Variants in CATSPERT observed in about 807,000 individuals in gnomAD.
The protein encoded by CATSPERT is catsper channel auxiliary subunit tau.
chr2:201,545,700 T>C, the CATSPERT span: 1 of 982,232 alleles, frequency 1.0e-6, no homozygotes, highest in Non-Finnish European at 1.4e-6. Context: ...GAAAACATTT[T>C]CCTCTGCCTT....
the CATSPERT span, among the ~76,000 whole-genome samples, chr2:201,505,889 C>T: frequency 6.6e-6 from 1 of 152,300 alleles, no homozygotes; most frequent in East Asian, 1.9e-4. Flanking sequence ...TATAGGAACT[C>T]TCTAATATCT....
chr2:201,589,840 T>A, the CATSPERT span, among the ~76,000 whole-genome samples: 3 of 151,936 alleles, frequency 2.0e-5, no homozygotes, highest in South Asian at 6.2e-4. Flanking sequence ...TGGGGGAAAA[T>A]TTTTGCAAAC....
At chr2:201,534,376 A>T in the CATSPERT span, 3 of 976,010 alleles carry the variant, frequency 3.1e-6, no homozygotes, top group Admixed American at 1.8e-4. Flanking sequence ...GGTTTGTTAT[A>T]CAGCAATAAA....
At chr2:201,510,185 C>T in the CATSPERT span, among the ~76,000 whole-genome samples, 2 of 150,468 alleles carry the variant, frequency 1.3e-5, no homozygotes, top group African/African-American at 5.0e-5. Context: ...GGATGTGGCT[C>T]ACACCTGTAA....
the CATSPERT span, chr2:201,488,019 T>A: frequency 2.6e-6 from 2 of 779,126 alleles, no homozygotes; most frequent in Non-Finnish European, 4.0e-6. Flanking sequence ...AAACAAGGAC[T>A]AAAGTTTATA....
At chr2:201,588,738 A>G in the CATSPERT span, among the ~76,000 whole-genome samples, 1 of 152,040 alleles carries the variant, frequency 6.6e-6, no homozygotes, top group African/African-American at 2.4e-5. Flanking sequence ...CCTAGTCAAC[A>G]TAGCATTGGA....
At chr2:201,510,510 T>C in the CATSPERT span, among the ~76,000 whole-genome samples, 1 of 152,208 alleles carries the variant, frequency 6.6e-6, no homozygotes, top group Non-Finnish European at 1.5e-5. Flanking sequence ...TTAAATTATA[T>C]GCTCATCCTT....
the CATSPERT span, chr2:201,492,705 G>C: frequency 1.0e-5 from 16 of 1,534,942 alleles, no homozygotes; most frequent in African/African-American, 2.1e-4. Context: ...TGAAATTGTT[G>C]ACAAAAGACA....
At chr2:201,612,762 C>T in the CATSPERT span, among the ~76,000 whole-genome samples, 2 of 152,022 alleles carry the variant, frequency 1.3e-5, no homozygotes, top group African/African-American at 2.4e-5. Flanking sequence ...CATCGCCTCA[C>T]CCAGGAAGCA....
chr2:201,618,460 A>T, the CATSPERT span, among the ~76,000 whole-genome samples: 2 of 150,984 alleles, frequency 1.3e-5, no homozygotes, highest in Non-Finnish European at 2.9e-5. Context: ...TATCGCAAGG[A>T]CAGAAAACCA....
the CATSPERT span, among the ~76,000 whole-genome samples, chr2:201,526,516 T>C: frequency 6.6e-6 from 1 of 151,884 alleles, no homozygotes; most frequent in Non-Finnish European, 1.5e-5. Context: ...AGACTCCATC[T>C]CAAAAAACAA....
At chr2:201,531,258 C>T in the CATSPERT span, among the ~76,000 whole-genome samples, 1 of 151,980 alleles carries the variant, frequency 6.6e-6, no homozygotes, top group South Asian at 2.1e-4. Context: ...CGCGCCTGGC[C>T]GACCCTGCAG....
At chr2:201,496,787 C>T in the CATSPERT span, among the ~76,000 whole-genome samples, 2 of 152,202 alleles carry the variant, frequency 1.3e-5, no homozygotes, top group Non-Finnish European at 2.9e-5. Flanking sequence ...ATTTTAGAGA[C>T]AATCTAGTTC....
At chr2:201,508,108 A>T in the CATSPERT span, among the ~76,000 whole-genome samples, 1 of 152,242 alleles carries the variant, frequency 6.6e-6, no homozygotes, top group Admixed American at 6.5e-5. Context: ...GCAGGAAAAG[A>T]TGAGCTATAT....
chr2:201,576,686 C>T, the CATSPERT span, among the ~76,000 whole-genome samples: 2 of 152,136 alleles, frequency 1.3e-5, no homozygotes, highest in Non-Finnish European at 2.9e-5. Flanking sequence ...GCGGAGTGAA[C>T]GGGAGGTACT....
At chr2:201,510,534 C>T in the CATSPERT span, among the ~76,000 whole-genome samples, 1 of 152,140 alleles carries the variant, frequency 6.6e-6, no homozygotes, top group Non-Finnish European at 1.5e-5. Flanking sequence ...GCCTCTGAGG[C>T]AGTGTCAAGA....
At chr2:201,492,749 G>T in the CATSPERT span, 1 of 1,535,422 alleles carries the variant, frequency 6.5e-7, no homozygotes, top group Middle Eastern at 1.7e-4. Context: ...TATTTCCCCT[G>T]AAAACTGTTT....
chr2:201,560,486 T>TA, the CATSPERT span, among the ~76,000 whole-genome samples: 1 of 146,326 alleles, frequency 6.8e-6, no homozygotes, highest in South Asian at 2.2e-4. Flanking sequence ...ACAACAACAA[T>TA]AATAATAATG....
chr2:201,493,096 T>C, the CATSPERT span: 5 of 1,529,766 alleles, frequency 3.3e-6, no homozygotes, highest in Non-Finnish European at 4.4e-6. Flanking sequence ...AGAATGATTA[T>C]ATTTGAAAAA....
Sources: gnomAD v4.1 joint callset for allele counts (sites outside exome capture counted in the v4.1 genomes callset) on GRCh38, gnomAD v4.1.1 for gene constraint, MANE v1.5 for transcripts, NCBI Gene and HGNC (gene_info 2026-07-23, HGNC 2026-07-21) for gene names.